Variants in OPHN1 observed in about 807,000 individuals in gnomAD.
OPHN1 encodes oligophrenin 1, also known as oligophrenin-1.
In OPHN1, 11 loss-of-function variants were observed where a neutral mutation model predicts 60.7. That is an observed-to-expected ratio of 0.18 (90% CI 0.11 to 0.30). The LOEUF (loss-of-function observed/expected upper bound fraction) is 0.30. Ranked by LOEUF, OPHN1 falls within the 10% of genes least tolerant of loss-of-function variation. OPHN1 has a pLI of 1.00. For missense variants in OPHN1, 449 were observed against 611.0 expected, an observed-to-expected ratio of 0.73 and a Z score of 2.80; for synonymous variants, 226 against 222.6, an observed-to-expected ratio of 1.02 and a Z score of -0.14.
chrX:68,431,720 G>A (rs760508927), intron 2 of OPHN1, among the ~76,000 whole-genome samples: 13 of 110,649 alleles, frequency 1.2e-4, no homozygotes, highest in Admixed American at 1.9e-4. Flanking sequence ...GAGCCACCTC[G>A]CCCAGCCTCG....
At position 68,097,038 on chromosome X, in the gene OPHN1, A is replaced by C. The variant is rs373615956; in HGVS notation, c.1527-9T>G. On this transcript the variant is annotated splice_polypyrimidine_tract_variant and intron_variant, in intron 18 of 24. Coordinates refer to ENST00000355520, the MANE Select transcript of OPHN1 (RefSeq NM_002547.3). Reference sequence around the variant, plus strand: ...TGCTGTGCTCACACACACTGCCAGAAGAAAAGGGGCAAGATTAACAAAATT... The same window carrying C: ...TGCTGTGCTCACACACACTGCCAGACGAAAAGGGGCAAGATTAACAAAATT... The C allele has an allele frequency of 4.2e-6, 5 of 1,203,439 alleles. No homozygotes were observed. Among genetic ancestry groups the C allele is most frequent in the Non-Finnish European group, 5.6e-6 (5 of 891,231 alleles).
At chrX:68,267,151 T>G (rs1317988693) in intron 5 of OPHN1, among the ~76,000 whole-genome samples, 2 of 111,060 alleles carry the variant, frequency 1.8e-5, no homozygotes, top group Non-Finnish European at 3.8e-5. Context: ...TATCCAGGAA[T>G]TGAACTCAGC....
rs183868179 is a variant in OPHN1, at chrX:68,314,508, C to T, written c.155-15412G>A. On this transcript the variant is annotated intron_variant, in intron 2 of 24. Transcript: ENST00000355520. ...TGCACTCCAGCCTAGGCAACAAGAGCGAAACTCCATTTCAAAAAAAAAATC... is the reference window on the plus strand; with the variant it reads ...TGCACTCCAGCCTAGGCAACAAGAGTGAAACTCCATTTCAAAAAAAAAATC... 6.8e-5 allele frequency among the ~76,000 whole-genome samples: 7 copies of T among 103,171 alleles called. No individual in the cohort carries two copies. In the East Asian group the frequency reaches 1.9e-3, roughly 28 times the overall value. The allele number at this position is 103,171 out of a possible 115,157, so 89.6% of individuals were successfully genotyped here. A position where few individuals can be genotyped will look rare whatever the true frequency, so the allele number is the denominator to read the frequency against.
intron 3 of OPHN1, among the ~76,000 whole-genome samples, chrX:68,295,998 T>C (rs2078093022): frequency 9.0e-6 from 1 of 111,227 alleles, no homozygotes; most frequent in Non-Finnish European, 1.9e-5. Context: ...GTATTGGCAA[T>C]AGGAGGGCAT....
At chrX:68,128,511 AGAGAG>A (rs34228886) in intron 15 of OPHN1, among the ~76,000 whole-genome samples, 50,941 of 109,257 alleles carry the variant, frequency 0.47, 10,272 homozygotes, top group South Asian at 0.69. Context: ...TGGGAGAGAG[AGAGAG>A]GAGAGTGATT....
intron 2 of OPHN1, among the ~76,000 whole-genome samples, chrX:68,369,145 T>C (rs2078514325): frequency 9.5e-6 from 1 of 105,273 alleles, no homozygotes; most frequent in African/African-American, 3.5e-5. Context: ...GAGGCAGAGG[T>C]TGCAGTGAGC....
At chrX:68,176,488 C>A (rs1395708040) in intron 15 of OPHN1, among the ~76,000 whole-genome samples, 1 of 111,646 alleles carries the variant, frequency 9.0e-6, no homozygotes, top group African/African-American at 3.3e-5. Flanking sequence ...CCACCTCACA[C>A]CCATTAGAAT....
chrX:68,397,703 A>G (rs2078693346), intron 2 of OPHN1, among the ~76,000 whole-genome samples: 1 of 106,921 alleles, frequency 9.4e-6, no homozygotes, highest in South Asian at 4.2e-4. Flanking sequence ...TTGTATTTTT[A>G]GTAGGGACAG....
chrX:68,371,452 C>G (rs1846667683), intron 2 of OPHN1, among the ~76,000 whole-genome samples: 1 of 110,539 alleles, frequency 9.0e-6, no homozygotes, highest in Non-Finnish European at 1.9e-5. Context: ...CTGCTGGGCT[C>G]AAGCAATCCA....
intron 16 of OPHN1, among the ~76,000 whole-genome samples, chrX:68,113,838 T>G: frequency 1.1e-5 from 1 of 90,885 alleles, no homozygotes; most frequent in Admixed American, 1.2e-4. Flanking sequence ...GGGGGAGGGA[T>G]AGCATTAGGA....
At chrX:68,090,386 A>ATATC (rs1054681419) in intron 19 of OPHN1, among the ~76,000 whole-genome samples, 8 of 110,902 alleles carry the variant, frequency 7.2e-5, no homozygotes, top group Non-Finnish European at 1.1e-4. Flanking sequence ...ATATTTTAAA[A>ATATC]TATCTATCTA....
At chrX:68,083,276 G>C (rs2076982384) in intron 19 of OPHN1, among the ~76,000 whole-genome samples, 1 of 105,894 alleles carries the variant, frequency 9.4e-6, no homozygotes, top group Admixed American at 1.0e-4. Context: ...GTTTCACCTT[G>C]TTAGCCAGGA....
In OPHN1 at chrX:68,266,790, G is replaced by A. The variant is rs927723888; in HGVS notation, c.384+7948C>T. Among the ~76,000 whole-genome samples the A allele has an allele frequency of 2.2e-4, 24 of 110,998 alleles. 1 individual carries two copies. Among genetic ancestry groups the A allele is most frequent in the Non-Finnish European group, 2.8e-4 (15 of 53,025 alleles). ...GCTGTATTCAGGAGACCCATCTCTC[G>A]TGCAGAGACACACATAGGCTCAAAA... On this transcript the variant is annotated intron_variant, in intron 5 of 24. Coordinates refer to ENST00000355520, the MANE Select transcript of OPHN1 (RefSeq NM_002547.3).
rs1421935113 is a variant in OPHN1, at chrX:68,370,757, TAA to T, written c.154+62108_154+62109del. On this transcript the variant is annotated intron_variant, in intron 2 of 24. Coordinates refer to ENST00000355520, the MANE Select transcript of OPHN1 (RefSeq NM_002547.3). ...ATACACAGGAGAGGGGACAGAGCTG[TAA>T]AAGAGTGGAGATTTGTATTTTATAA... Among the ~76,000 whole-genome samples the T allele has an allele frequency of 4.5e-5, 5 of 111,637 alleles. No homozygotes were observed. In the Admixed American group the frequency reaches 4.8e-4, roughly 11 times the overall value.
At chrX:68,337,562 G>A in intron 2 of OPHN1, among the ~76,000 whole-genome samples, 1 of 110,669 alleles carries the variant, frequency 9.0e-6, no homozygotes, top group Non-Finnish European at 1.9e-5. Flanking sequence ...ACGTTGCCCA[G>A]GCAGGCCTCA....
chrX:68,183,693 C>T (rs763824643), intron 15 of OPHN1, among the ~76,000 whole-genome samples: 4 of 111,965 alleles, frequency 3.6e-5, no homozygotes, highest in Non-Finnish European at 5.6e-5. Context: ...AATTACTATT[C>T]TTTGTTGAAG....
intron 15 of OPHN1, among the ~76,000 whole-genome samples, chrX:68,129,849 C>T (rs886268073): frequency 5.4e-5 from 6 of 111,978 alleles, no homozygotes; most frequent in Non-Finnish European, 9.4e-5. Flanking sequence ...TAACAGAAAG[C>T]GTGAGCAGAA....
chrX:68,368,597 A>G (rs1329395833), intron 2 of OPHN1, among the ~76,000 whole-genome samples: 1 of 110,931 alleles, frequency 9.0e-6, no homozygotes, highest in East Asian at 2.9e-4. Flanking sequence ...TGCATGCCCC[A>G]GAAAACAAGC....
At chrX:68,106,189 C>A (rs1387164195) in intron 18 of OPHN1, among the ~76,000 whole-genome samples, 1 of 100,150 alleles carries the variant, frequency 1.0e-5, no homozygotes, top group Non-Finnish European at 2.0e-5. Context: ...GAAAGCTTTT[C>A]CTTTTTTTTT....
Sources: gnomAD v4.1 joint callset for allele counts (sites outside exome capture counted in the v4.1 genomes callset) on GRCh38, gnomAD v4.1.1 for gene constraint, MANE v1.5 for transcripts, NCBI Gene and HGNC (gene_info 2026-07-23, HGNC 2026-07-21) for gene names.